Variants in RGS7 observed in about 807,000 individuals in gnomAD.
RGS7 encodes the protein regulator of G-protein signaling 7.
RGS7 carries 27 observed loss-of-function variants against 81.1 expected under a neutral mutation model. That is an observed-to-expected ratio of 0.33 (90% CI 0.25 to 0.46). The LOEUF is 0.46. RGS7 is among the 20% of genes least tolerant of loss of function. RGS7 has a pLI of 1.00. For synonymous variants in RGS7, 208 were observed against 207.7 expected (o/e 1.00, Z -0.01); for missense variants, 396 against 607.4 (o/e 0.65, Z 3.66).
At chr1:241,227,511 T>C (rs995892316) in intron 2 of RGS7, among the ~76,000 whole-genome samples, 1 of 143,844 alleles carries the variant, frequency 7.0e-6, no homozygotes, top group Non-Finnish European at 1.5e-5. Flanking sequence ...GATGGGAGGA[T>C]GGTTTGAATT....
chr1:240,962,118 G>A (rs1205563654), intron 4 of RGS7, among the ~76,000 whole-genome samples: 5 of 152,016 alleles, frequency 3.3e-5, no homozygotes, highest in South Asian at 2.1e-4. Context: ...TTAGCTCACC[G>A]TACTTGTCTT....
rs116794024 is a variant in RGS7 at position 241,214,799 on chromosome 1, C to T, written c.79-116037G>A. On this transcript the variant is annotated intron_variant, in intron 2 of 18. Coordinates refer to ENST00000440928, the MANE Select transcript of RGS7 (RefSeq NM_001364886.1). ...GGTCTGCTGTTAATCTCATCCAGTACGTTTTTTAAAGCTTCATCTATTATA... is the reference window on the plus strand; with the variant it reads ...GGTCTGCTGTTAATCTCATCCAGTATGTTTTTTAAAGCTTCATCTATTATA... Among the ~76,000 whole-genome samples, 1,168 of 152,116 alleles carry T rather than the reference C, an allele frequency of 7.7e-3. 23 individuals carry two copies. Among genetic ancestry groups the T allele is most frequent in the African/African-American group, 0.027 (1,124 of 41,526 alleles).
chr1:241,006,543 GA>G (rs1367183568), intron 3 of RGS7, among the ~76,000 whole-genome samples: 1 of 152,158 alleles, frequency 6.6e-6, no homozygotes, highest in Non-Finnish European at 1.5e-5. Context: ...TTCTGTAAAG[GA>G]AAACTAGAGG....
chr1:241,227,459 G>A (rs1476933870), intron 2 of RGS7, among the ~76,000 whole-genome samples: 2 of 151,114 alleles, frequency 1.3e-5, no homozygotes, highest in East Asian at 1.9e-4. Context: ...TTTCAAGAGC[G>A]AATAGGCTCA....
intron 3 of RGS7, among the ~76,000 whole-genome samples, chr1:241,036,816 T>A (rs2060354359): frequency 6.6e-6 from 1 of 152,186 alleles, no homozygotes; most frequent in African/African-American, 2.4e-5. Flanking sequence ...CCAGCCAATG[T>A]AAGGTGAACA....
chr1:241,303,336 G>A lies in RGS7; in HGVS notation c.78+52363C>T, dbSNP rs532837232. Among the ~76,000 whole-genome samples, 93 of 152,210 alleles carry A rather than the reference G, an allele frequency of 6.1e-4. 2 individuals carry two copies. Among genetic ancestry groups the A allele is most frequent in the African/African-American group, 2.1e-3 (88 of 41,538 alleles). ...CTCCTTCTCCAGCCATGTAAGATGT[G>A]CCTGCTCCTCCTTCCCCTTCGGCCA... On this transcript the variant is annotated intron_variant, in intron 2 of 18. Coordinates refer to ENST00000440928, the MANE Select transcript of RGS7 (RefSeq NM_001364886.1).
At chr1:241,070,426 T>C (rs1015007193) in intron 3 of RGS7, among the ~76,000 whole-genome samples, 14 of 152,050 alleles carry the variant, frequency 9.2e-5, no homozygotes, top group African/African-American at 3.4e-4. Context: ...GAATGAGTGG[T>C]TTCTTAACGT....
intron 3 of RGS7, among the ~76,000 whole-genome samples, chr1:241,089,544 A>G (rs2148924103): frequency 6.6e-6 from 1 of 152,118 alleles, no homozygotes; most frequent in Admixed American, 6.5e-5. Context: ...GAACACCCCA[A>G]CAGTTACCCC....
Position 240,965,258 on chromosome 1 carries a change from A to G in RGS7, c.226+17821T>C, listed in dbSNP as rs551332147. ...ATAATTCCACAGAAGCCCCTTTATG[A>G]TGCTGGAGAATTTTCACATAATTTG... On this transcript the variant is annotated intron_variant, in intron 4 of 18. Coordinates refer to ENST00000440928, the MANE Select transcript of RGS7 (RefSeq NM_001364886.1). Among the ~76,000 whole-genome samples the G allele has an allele frequency of 9.1e-4, 138 of 152,268 alleles. 1 individual carries two copies. The highest frequency in any genetic ancestry group is 3.2e-3 in the African/African-American group (132 of 41,546).
In RGS7 at chr1:240,781,969, C is replaced by T. The variant is rs188350533; in HGVS notation, c.*7-5756G>A. Among the ~76,000 whole-genome samples, 79 of 151,632 alleles carry T rather than the reference C, an allele frequency of 5.2e-4. No homozygotes were observed. The East Asian group carries it at 0.011, about 21-fold the overall frequency. The stretch of plus-strand genomic sequence containing the variant: ...GGAGGAGGTTGCAGTGAGCTGAGAT[C>T]GCGCCATTGTACTCCAGCCTGGGCA... On this transcript the variant is annotated intron_variant, in intron 18 of 18. Coordinates refer to ENST00000440928, the MANE Select transcript of RGS7 (RefSeq NM_001364886.1).
chr1:240,842,659 G>C (rs1477432652), intron 9 of RGS7, among the ~76,000 whole-genome samples: 1 of 152,008 alleles, frequency 6.6e-6, no homozygotes, highest in African/African-American at 2.4e-5. Flanking sequence ...GGTAAGTGTG[G>C]AGGCAAGAGT....
At chr1:241,068,257 T>TATATATATATATATATATA (rs1433690559) in intron 3 of RGS7, among the ~76,000 whole-genome samples, 5 of 73,264 alleles carry the variant, frequency 6.8e-5, no homozygotes, top group Non-Finnish European at 1.4e-4. Flanking sequence ...TATATATATA[T>TATATATATATATATATATA]AAAATATTGT....
intron 2 of RGS7, among the ~76,000 whole-genome samples, chr1:241,275,244 A>G (rs1437908368): frequency 2.0e-5 from 3 of 152,244 alleles, no homozygotes; most frequent in Non-Finnish European, 1.5e-5. Context: ...GCCACAGTCC[A>G]GCAATAATGC....
intron 2 of RGS7, among the ~76,000 whole-genome samples, chr1:241,174,193 C>T (rs1156882281): frequency 1.3e-5 from 2 of 152,198 alleles, no homozygotes; most frequent in Non-Finnish European, 2.9e-5. Flanking sequence ...TAATTCTTAG[C>T]AGTTCTAGGA....
chr1:241,209,154 C>T (rs2074098493), intron 2 of RGS7, among the ~76,000 whole-genome samples: 1 of 152,134 alleles, frequency 6.6e-6, no homozygotes, highest in African/African-American at 2.4e-5. Flanking sequence ...TGCCGCAGGG[C>T]ACTGTCTGGG....
intron 2 of RGS7, among the ~76,000 whole-genome samples, chr1:241,338,723 AAT>A (rs1035690166): frequency 2.7e-5 from 4 of 149,554 alleles, no homozygotes; most frequent in African/African-American, 9.8e-5. Flanking sequence ...ATTATATACA[AAT>A]ATATGTTTAT....
At chr1:241,056,994 C>T (rs1243446146) in intron 3 of RGS7, among the ~76,000 whole-genome samples, 1 of 151,948 alleles carries the variant, frequency 6.6e-6, no homozygotes, top group Non-Finnish European at 1.5e-5. Flanking sequence ...TTTCCTAGCT[C>T]TTGCCAATAT....
At chr1:241,118,692 C>G (rs1482757990) in intron 2 of RGS7, among the ~76,000 whole-genome samples, 1 of 152,002 alleles carries the variant, frequency 6.6e-6, no homozygotes, top group African/African-American at 2.4e-5. Context: ...ATATAAACAC[C>G]ATGGAATACT....
intron 2 of RGS7, among the ~76,000 whole-genome samples, chr1:241,120,503 A>T (rs2066177619): frequency 6.6e-6 from 1 of 151,908 alleles, no homozygotes; most frequent in Admixed American, 6.6e-5. Context: ...CTGCACCACC[A>T]CGCCTGGCTA....
Sources: allele counts gnomAD v4.1 joint callset (sites outside exome capture counted in the v4.1 genomes callset), GRCh38; gene constraint gnomAD v4.1.1; transcripts MANE v1.5; gene names NCBI Gene and HGNC (gene_info 2026-07-23, HGNC 2026-07-21).